The following ORC4 variants were observed in gnomAD, a reference collection of about 807,000 sequenced individuals.
The protein encoded by ORC4 is origin recognition complex subunit 4.
Under a neutral mutation model 63.9 loss-of-function variants are expected in ORC4, and 55 were observed. The observed-to-expected ratio is 0.86, with a 90% CI of 0.69 to 1.08. The LOEUF (loss-of-function observed/expected upper bound fraction) is 1.08, where lower values mean the gene tolerates loss of function less well. ORC4 is among the 50% of genes least tolerant of loss of function. ORC4 has a pLI of 0.00. For synonymous variants in ORC4, 150 were observed against 168.5 expected (o/e 0.89, Z 0.85); for missense variants, 511 against 504.4 (o/e 1.01, Z -0.13).
chr2:147,951,123 T>C (rs915183991), intron 8 of ORC4, among the ~76,000 whole-genome samples: 1 of 152,054 alleles, frequency 6.6e-6, no homozygotes, highest in Non-Finnish European at 1.5e-5. Flanking sequence ...TGACAGTCAC[T>C]CTATAGAGAA....
chr2:147,937,480 G>A (rs1688117539), intron 13 of ORC4, among the ~76,000 whole-genome samples: 1 of 152,152 alleles, frequency 6.6e-6, no homozygotes, highest in African/African-American at 2.4e-5. Flanking sequence ...CCATTGAGAT[G>A]TGCTTAAATA....
chr2:147,973,388 C>G, intron 3 of ORC4, 60 bp downstream of exon 3: 1 of 1,006,636 alleles, frequency 9.9e-7, no homozygotes, highest in East Asian at 2.4e-5. Context: ...ATAATTTTTG[C>G]AAAACCTGGA....
chr2:147,946,584 C>T (rs763352625), intron 9 of ORC4, among the ~76,000 whole-genome samples: 5 of 151,974 alleles, frequency 3.3e-5, no homozygotes, highest in Non-Finnish European at 7.4e-5. Flanking sequence ...GACACTTGGT[C>T]AGGTAATTGA....
chr2:147,987,191 A>G (rs1361410664), intron 1 of ORC4, among the ~76,000 whole-genome samples: 2 of 151,486 alleles, frequency 1.3e-5, no homozygotes, highest in Non-Finnish European at 2.9e-5. Flanking sequence ...ATCTTTAAAA[A>G]AAAAAAAATC....
rs762798777 is a variant in ORC4, at chr2:147,938,228, A to G, written c.1055-15T>C. On this transcript the variant is annotated splice_polypyrimidine_tract_variant and intron_variant, in intron 12 of 13. Transcript: ENST00000392857. ...CTTCTGAAACTCTGAGTAGAAAGCA[A>G]TGACAACATTATACCTTCAAATAAG... The G allele has an allele frequency of 8.1e-6, 13 of 1,609,540 alleles. No homozygotes were observed. The highest frequency in any genetic ancestry group is 1.3e-5 in the African/African-American group (1 of 74,812).
At chr2:147,981,646 C>T (rs1690896971) in intron 1 of ORC4, among the ~76,000 whole-genome samples, 1 of 151,712 alleles carries the variant, frequency 6.6e-6, no homozygotes, top group Non-Finnish European at 1.5e-5. Flanking sequence ...CAATGTATAC[C>T]TATATTAAAA....
At position 147,939,184 on chromosome 2, in the gene ORC4, G is replaced by T. The variant is rs755565196; in HGVS notation, c.914C>A (p.Ala305Glu). ...CGAGTCCATGCTACACAGTTGGCTT[G>T]CTTCCATTAGATCTACGGCAGTCAT... ...PFMTAVDLME[A>E]SQLCSMDSKA... Residue 305 changes from alanine (A) to glutamate (E), a missense_variant, in exon 11 of 14, where the codon GCA (alanine) becomes GAA (glutamate). By Grantham distance (107) the Ala-to-Glu change is moderately radical (BLOSUM62 -1). Transcript: ENST00000392857. 1.2e-6 allele frequency: 2 copies of T among 1,612,724 alleles called. No homozygotes were observed. Among genetic ancestry groups the T allele is most frequent in the Non-Finnish European group, 1.7e-6 (2 of 1,178,912 alleles).
intron 2 of ORC4, among the ~76,000 whole-genome samples, chr2:147,973,870 T>C (rs1690370700): frequency 6.6e-6 from 1 of 152,240 alleles, no homozygotes; most frequent in Admixed American, 6.5e-5. Context: ...TGAGGTCATC[T>C]TAGAACTAAG....
intron 1 of ORC4, among the ~76,000 whole-genome samples, chr2:148,010,848 C>CTTTTTTTTTT (rs201359357): frequency 2.0e-5 from 2 of 98,534 alleles, no homozygotes; most frequent in East Asian, 3.0e-4. Context: ...CAGATTTATT[C>CTTTTTTTTTT]TTTTTTTTTT....
At position 147,934,415 on chromosome 2, in the gene ORC4, G is replaced by A. The variant is rs1298731270; in HGVS notation, c.*1095C>T. 2 of 152,066 alleles carry A rather than the reference G, an allele frequency of 1.3e-5. No individual in the cohort carries two copies. Among genetic ancestry groups the A allele is most frequent in the Non-Finnish European group, 2.9e-5 (2 of 67,996 alleles). 9.4% of individuals were successfully genotyped at this position (152,066 alleles called of 1,614,324 possible). A position where few individuals can be genotyped will look rare whatever the true frequency, so the allele number is the denominator to read the frequency against. ...ACGGACATTTCCACATTCCTCATAG[G>A]GATTTACTTTTTAATACAAACAGGT... On this transcript the variant is annotated 3_prime_UTR_variant, in exon 14 of 14. Transcript: ENST00000392857.
In ORC4 at chr2:147,978,375, C is replaced by T. The variant is rs1022524596; in HGVS notation, c.-17-2400G>A. ...GGCAAGTCTGTACTGATGGCACAGA[C>T]AGGTGAGTCTCCTAGCAGTTCCTTG... On this transcript the variant is annotated intron_variant, in intron 1 of 13. Transcript: ENST00000392857. 1.1e-4 allele frequency among the ~76,000 whole-genome samples: 16 copies of T among 152,336 alleles called. No individual in the cohort carries two copies. In the South Asian group the frequency reaches 1.4e-3, roughly 14 times the overall value.
intron 2 of ORC4, among the ~76,000 whole-genome samples, chr2:147,974,634 CAA>C (rs1452249161): frequency 5.8e-5 from 6 of 104,230 alleles, no homozygotes; most frequent in Admixed American, 1.0e-4. Context: ...GACTTGGTCT[CAA>C]AAAAAAAAAA....
chr2:147,991,461 G>A (rs1363835696), intron 1 of ORC4, among the ~76,000 whole-genome samples: 2 of 152,120 alleles, frequency 1.3e-5, no homozygotes, highest in Non-Finnish European at 2.9e-5. Context: ...AAATAGTTAT[G>A]AAATAAACAA....
chr2:147,969,579 G>T (rs1167168841), intron 4 of ORC4, among the ~76,000 whole-genome samples: 2 of 151,898 alleles, frequency 1.3e-5, no homozygotes, highest in African/African-American at 2.4e-5. Context: ...GACAGCACTG[G>T]CAGTAAAGAA....
At position 147,958,406 on chromosome 2, in the gene ORC4, G is replaced by T. The variant is rs374463548; in HGVS notation, c.302-23C>A. ...GTCCTAAAATAAAGTCCATTTAAAA[G>T]TATTTAATTAAAATTAAACATGTAT... is the stretch of plus-strand genomic sequence containing the variant. On this transcript the variant is annotated intron_variant, in intron 5 of 13. Transcript: ENST00000392857. 1.0e-3 allele frequency: 1,613 copies of T among 1,553,742 alleles called. 4 individuals carry two copies. The highest frequency in any genetic ancestry group is 1.3e-3 in the Non-Finnish European group (1,486 of 1,126,950).
intron 1 of ORC4, among the ~76,000 whole-genome samples, chr2:148,016,711 CTT>C (rs957853319): frequency 1.3e-5 from 2 of 152,136 alleles, no homozygotes; most frequent in African/African-American, 4.8e-5. Context: ...AAAAAACAAA[CTT>C]ATTTCTTGTC....
chr2:148,018,896 C>G (rs1042863601), intron 1 of ORC4, among the ~76,000 whole-genome samples: 2 of 152,188 alleles, frequency 1.3e-5, no homozygotes, highest in Non-Finnish European at 2.9e-5. Flanking sequence ...CACAGACGTT[C>G]TAGTTCTTGA....
At chr2:147,949,405 T>C (rs763723439) in intron 8 of ORC4, among the ~76,000 whole-genome samples, 1 of 152,066 alleles carries the variant, frequency 6.6e-6, no homozygotes, top group Non-Finnish European at 1.5e-5. Flanking sequence ...ATTAGCAGAT[T>C]AGTGGTTGCA....
intron 1 of ORC4, among the ~76,000 whole-genome samples, chr2:148,019,938 AACTT>A (rs1362038248): frequency 6.6e-6 from 1 of 152,224 alleles, no homozygotes; most frequent in Non-Finnish European, 1.5e-5. Context: ...TAACCAAAGA[AACTT>A]GACAAAACAG....
Sources: gnomAD v4.1 joint callset for allele counts (sites outside exome capture counted in the v4.1 genomes callset) on GRCh38, gnomAD v4.1.1 for gene constraint, MANE v1.5 for transcripts, NCBI Gene and HGNC (gene_info 2026-07-23, HGNC 2026-07-21) for gene names.